SCML4: variants seen among roughly 807,000 people sequenced by gnomAD.
The protein encoded by SCML4 is Scm polycomb group protein like 4, also known as sex comb on midleg-like protein 4.
Under a neutral mutation model 41.1 loss-of-function variants are expected in SCML4, and 34 were observed. That is an observed-to-expected ratio of 0.83 (90% CI 0.63 to 1.10). The LOEUF (loss-of-function observed/expected upper bound fraction) is 1.10, where lower values mean the gene tolerates loss of function less well. Ranked by LOEUF, SCML4 falls within the 50% of genes least tolerant of loss-of-function variation. The probability of loss-of-function intolerance (pLI) is 0.00; values close to 1 mark genes in which losing one functional copy is unlikely to be tolerated. For missense variants in SCML4, 522 were observed against 534.1 expected, an observed-to-expected ratio of 0.98 and a Z score of 0.22; for synonymous variants, 214 against 220.9, an observed-to-expected ratio of 0.97 and a Z score of 0.28.
chr6:107,746,428 C>T (rs1340596945), intron 4 of SCML4: 4 of 429,810 alleles, frequency 9.3e-6, no homozygotes, highest in African/African-American at 2.0e-5. Flanking sequence ...AAGCAAAAAC[C>T]GGTGAGTTGG....
chr6:107,772,400 C>T lies in SCML4; in HGVS notation c.-59-14G>A, dbSNP rs1780597048. Reference sequence around the variant, plus strand: ...GCAGAAGAGGTGCTAAGAATTAGTCCAGACACAAAGCAAAACAAAAACAGA... The same window carrying T: ...GCAGAAGAGGTGCTAAGAATTAGTCTAGACACAAAGCAAAACAAAAACAGA... On this transcript the variant is annotated splice_polypyrimidine_tract_variant and intron_variant, in intron 1 of 7. Coordinates refer to ENST00000369020, the MANE Select transcript of SCML4 (RefSeq NM_198081.5). The T allele has an allele frequency of 7.2e-7, 1 of 1,388,176 alleles. No individual in the cohort carries two copies. The highest frequency in any genetic ancestry group is 1.5e-5 in the African/African-American group (1 of 68,878). 86.0% of individuals were successfully genotyped at this position (1,388,176 alleles called of 1,614,324 possible). A position where few individuals can be genotyped will look rare whatever the true frequency, so the allele number is the denominator to read the frequency against.
intron 1 of SCML4, among the ~76,000 whole-genome samples, chr6:107,781,920 G>C (rs186847343): frequency 1.9e-3 from 282 of 152,232 alleles, no homozygotes; most frequent in African/African-American, 6.5e-3. Context: ...CTAGTAATGG[G>C]CCCTCGCTGT....
At chr6:107,795,072 C>T (rs531523816) in intron 1 of SCML4, among the ~76,000 whole-genome samples, 1 of 152,250 alleles carries the variant, frequency 6.6e-6, no homozygotes, top group African/African-American at 2.4e-5. Context: ...ATAAGTTCAC[C>T]TTCTGAGTTT....
upstream of SCML4, among the ~76,000 whole-genome samples, chr6:107,827,974 C>G (rs896205233): frequency 1.3e-5 from 2 of 152,160 alleles, no homozygotes; most frequent in Non-Finnish European, 2.9e-5. Flanking sequence ...GTGCTACCGC[C>G]GAAACAACCT....
rs183626490 is a variant in SCML4 at position 107,782,656 on chromosome 6, G to T, written c.-59-10270C>A. Among the ~76,000 whole-genome samples, 469 of 152,310 alleles carry T rather than the reference G, an allele frequency of 3.1e-3. 1 individual carries two copies. The highest frequency in any genetic ancestry group is 0.011 in the African/African-American group (444 of 41,552). On this transcript the variant is annotated intron_variant, in intron 1 of 7. Transcript: ENST00000369020. The stretch of plus-strand genomic sequence containing the variant: ...TGATGGCAGGTGCTGGTCTGAGTTT[G>T]CCTGATGGCAGGTGCTGGTCTGAGT...
At chr6:107,819,336 T>C (rs1562290653) in intron 1 of SCML4, among the ~76,000 whole-genome samples, 2 of 110,316 alleles carry the variant, frequency 1.8e-5, no homozygotes, top group Admixed American at 9.3e-5. Context: ...TTCTCTATAA[T>C]GATCAGCACA....
chr6:107,830,563 T>C, the SCML4 span, among the ~76,000 whole-genome samples: 1 of 152,178 alleles, frequency 6.6e-6, no homozygotes, highest in African/African-American at 2.4e-5. Context: ...ATAACCCCAG[T>C]ATGTAGTGCA....
chr6:107,749,289 G>T (rs1778407587), intron 3 of SCML4, among the ~76,000 whole-genome samples: 1 of 152,042 alleles, frequency 6.6e-6, no homozygotes. Context: ...AGGGCGAATG[G>T]GATCCTTAGG....
chr6:107,839,341 A>AAGAAAGAAAGAAAG, the SCML4 span, among the ~76,000 whole-genome samples: 21 of 12,934 alleles, frequency 1.6e-3, 1 homozygote, highest in South Asian at 0.02. Flanking sequence ...GAGAGAGAGA[A>AAGAAAGAAAGAAAG]AAAGAAAGAA....
the SCML4 span, among the ~76,000 whole-genome samples, chr6:107,845,602 T>C: frequency 4.6e-4 from 70 of 152,330 alleles, no homozygotes; most frequent in African/African-American, 1.6e-3. Flanking sequence ...AAGAGGATGA[T>C]AGGTGACCCA....
At chr6:107,802,634 G>GGAAGGAAGGAAA (rs1368337328) in intron 1 of SCML4, among the ~76,000 whole-genome samples, 5 of 115,410 alleles carry the variant, frequency 4.3e-5, no homozygotes, top group African/African-American at 2.0e-4. Flanking sequence ...AAGGAAGGAA[G>GGAAGGAAGGAAA]GAAAGAAAAT....
Position 107,822,906 on chromosome 6 carries a change from A to T in SCML4, c.-60+1220T>A, listed in dbSNP as rs564932294. Among the ~76,000 whole-genome samples, 9 of 136,364 alleles carry T rather than the reference A, an allele frequency of 6.6e-5. No homozygotes were observed. In the East Asian group the frequency reaches 1.8e-3, roughly 27 times the overall value. 89.5% of individuals were successfully genotyped at this position (136,364 alleles called of 152,430 possible). ...TTTATCAGACTAGTTCTACCAAGCA[A>T]CACAAAAAATGCTCCACACAAATAT... On this transcript the variant is annotated intron_variant, in intron 1 of 7. Coordinates refer to ENST00000369020, the MANE Select transcript of SCML4 (RefSeq NM_198081.5).
At chr6:107,828,507 A>C (rs1282900174), upstream of SCML4, among the ~76,000 whole-genome samples, 1 of 152,224 alleles carries the variant, frequency 6.6e-6, no homozygotes, top group Non-Finnish European at 1.5e-5. Flanking sequence ...CCTTTCTCTC[A>C]TTAGGATAAG....
At chr6:107,729,815 A>G (rs979648263) in intron 5 of SCML4, among the ~76,000 whole-genome samples, 3 of 152,168 alleles carry the variant, frequency 2.0e-5, no homozygotes, top group Non-Finnish European at 4.4e-5. Flanking sequence ...GCTAGCCCCA[A>G]CCTATCTCTT....
chr6:107,827,228 A>G (rs1200173370), upstream of SCML4, among the ~76,000 whole-genome samples: 2 of 147,142 alleles, frequency 1.4e-5, no homozygotes, highest in Non-Finnish European at 3.0e-5. Flanking sequence ...ATATATCTTT[A>G]TATTTTTATT....
chr6:107,838,285 C>T, the SCML4 span, among the ~76,000 whole-genome samples: 1 of 152,126 alleles, frequency 6.6e-6, no homozygotes, highest in Non-Finnish European at 1.5e-5. Context: ...GCTCACCACA[C>T]CTGGTCAGGG....
rs1369787155 is a variant in SCML4 at position 107,749,697 on chromosome 6, T to A, written c.273A>T (p.Pro91=). The A allele has an allele frequency of 6.2e-7, 1 of 1,613,936 alleles. No homozygotes were observed. The highest frequency in any genetic ancestry group is 2.2e-5 in the East Asian group (1 of 44,876). The change falls in exon 3 of 8, where the codon CCA becomes CCT. Residue 91 remains proline (P), a synonymous_variant. Coordinates refer to ENST00000369020, the MANE Select transcript of SCML4 (RefSeq NM_198081.5). ...CTGCTGACCTACCTGTGAGAGCCTG[T>A]GGGGCCGCCAAGCTGGGGACCGTGG... ...DAATVPSLAA[P]QALTVCLYIN...
At chr6:107,832,645 G>A in the SCML4 span, among the ~76,000 whole-genome samples, 10 of 152,286 alleles carry the variant, frequency 6.6e-5, no homozygotes, top group African/African-American at 2.2e-4. Flanking sequence ...AGCTGCCTGG[G>A]GAGAAATGTA....
chr6:107,749,944 G>A (rs928650607), intron 2 of SCML4, 131 bp from the exon 3 acceptor site: 103 of 898,346 alleles, frequency 1.1e-4, no homozygotes, highest in African/African-American at 1.0e-3. Context: ...CTGCAGTTTC[G>A]GGGCCTGAGC....
Sources: allele counts gnomAD v4.1 joint callset (sites outside exome capture counted in the v4.1 genomes callset), GRCh38; gene constraint gnomAD v4.1.1; transcripts MANE v1.5; gene names NCBI Gene and HGNC (gene_info 2026-07-23, HGNC 2026-07-21).